Variants in RAB3GAP2 observed in about 807,000 individuals in gnomAD.
RAB3GAP2 encodes RAB3 GTPase activating non-catalytic protein subunit 2, also known as rab3 GTPase-activating protein non-catalytic subunit.
RAB3GAP2 carries 87 observed loss-of-function variants against 185.3 expected under a neutral mutation model. The observed-to-expected ratio is 0.47, with a 90% confidence interval of 0.39 to 0.56. The LOEUF (loss-of-function observed/expected upper bound fraction) is 0.56. Among genes scored for constraint, RAB3GAP2 ranks in the 20% least tolerant of loss-of-function variants. RAB3GAP2 has a pLI of 0.00. For synonymous variants in RAB3GAP2, 554 were observed against 576.1 expected, an observed-to-expected ratio of 0.96 and a Z score of 0.55; for missense variants, 1,492 against 1,638.2, an observed-to-expected ratio of 0.91 and a Z score of 1.54.
At position 220,191,136 on chromosome 1, in the gene RAB3GAP2, T is replaced by C. The variant is rs886046022; in HGVS notation, c.1419A>G (p.Gly473=). 1 of 1,613,960 alleles carries C rather than the reference T, an allele frequency of 6.2e-7. No individual in the cohort carries two copies. The highest frequency in any genetic ancestry group is 8.5e-7 in the Non-Finnish European group (1 of 1,179,968). Residue 473 remains glycine, a synonymous_variant, in exon 14 of 35, where the codon GGA becomes GGG. Coordinates refer to ENST00000358951, the MANE Select transcript of RAB3GAP2 (RefSeq NM_012414.4). ...QFLVIYAPRR[G]ILEVWSTQQG... ...GCTGTGTGCTCCACACTTCTAAAAT[T>C]CCCCTTCTTGGCGCATAGATCACAA... is the stretch of plus-strand genomic sequence containing the variant.
intron 1 of RAB3GAP2, chr1:220,254,091 A>T: frequency 6.2e-7 from 1 of 1,613,954 alleles, no homozygotes; most frequent in Non-Finnish European, 8.5e-7. Flanking sequence ...ACTGGGACTT[A>T]ATTACCAGGC....
intron 7 of RAB3GAP2, chr1:220,208,297 A>T (rs532215972): frequency 6.6e-6 from 1 of 152,320 alleles, no homozygotes; most frequent in East Asian, 1.9e-4. Flanking sequence ...ATCTTCTTTG[A>T]TTTCCAGCTG....
chr1:220,157,566 G>A (rs775760945), intron 30 of RAB3GAP2, 78 bp from the exon 31 acceptor site: 1 of 1,406,580 alleles, frequency 7.1e-7, no homozygotes, highest in Non-Finnish European at 1.0e-6. Context: ...GAGTTTATTA[G>A]CAGCAAAGTG....
chr1:220,242,059 T>C (rs1273103592), intron 1 of RAB3GAP2, among the ~76,000 whole-genome samples: 1 of 152,080 alleles, frequency 6.6e-6, no homozygotes, highest in Non-Finnish European at 1.5e-5. Context: ...CCCTGAGAAA[T>C]CTCCTTATAT....
intron 27 of RAB3GAP2, 53 bp downstream of exon 27, chr1:220,164,675 TAAATC>T (rs1469392235): frequency 6.4e-7 from 1 of 1,564,336 alleles, no homozygotes; most frequent in East Asian, 2.3e-5. Context: ...CACATCCTGT[TAAATC>T]AGGAAGCCTC....
Position 220,172,624 on chromosome 1 carries a change from A to C in RAB3GAP2, c.2416+13T>G, listed in dbSNP as rs771319271. ...ACGAAACTTTGTTGACGAGAGCAAC[A>C]AACTTTGTTTACCTTTCATCTTGCT... is the stretch of plus-strand genomic sequence containing the variant. On this transcript the variant is annotated intron_variant, in intron 22 of 34. Coordinates refer to ENST00000358951, the MANE Select transcript of RAB3GAP2 (RefSeq NM_012414.4). 5.1e-6 allele frequency: 8 copies of C among 1,573,742 alleles called. No homozygotes were observed. Among genetic ancestry groups the C allele is most frequent in the Non-Finnish European group, 7.0e-6 (8 of 1,143,098 alleles).
chr1:220,220,293 G>A (rs1302075895), intron 2 of RAB3GAP2: 1 of 152,290 alleles, frequency 6.6e-6, no homozygotes, highest in Non-Finnish European at 1.5e-5. Flanking sequence ...CCACTGTGAA[G>A]TGGGTGTTCA....
At position 220,150,929 on chromosome 1, in the gene RAB3GAP2, T is replaced by C. The variant is rs1157315958; in HGVS notation, c.*322A>G. ...GGAAATATAGAATCTTATAAGAACA[T>C]AATCTAAATTATAACCAATTTTAAA... On this transcript the variant is annotated 3_prime_UTR_variant, in exon 35 of 35. Transcript: ENST00000358951. 1 of 306,854 alleles carries C rather than the reference T, an allele frequency of 3.3e-6. No individual in the cohort carries two copies. Among genetic ancestry groups the C allele is most frequent in the Non-Finnish European group, 6.1e-6 (1 of 165,074 alleles). The allele number at this position is 306,854 out of a possible 1,614,324, so 19.0% of individuals were successfully genotyped here. A position where few individuals can be genotyped will look rare whatever the true frequency, so the allele number is the denominator to read the frequency against.
At chr1:220,254,359 C>T in intron 1 of RAB3GAP2, 1 of 1,613,460 alleles carries the variant, frequency 6.2e-7, no homozygotes, top group South Asian at 1.1e-5. Flanking sequence ...GCCACATCTC[C>T]TGAGATTATT....
chr1:220,205,754 C>T (rs1041749547), intron 8 of RAB3GAP2, among the ~76,000 whole-genome samples, 153 bp downstream of exon 8: 3 of 152,202 alleles, frequency 2.0e-5, no homozygotes, highest in Non-Finnish European at 4.4e-5. Flanking sequence ...ATCTACTCAA[C>T]ATGCTCCCCT....
intron 8 of RAB3GAP2, among the ~76,000 whole-genome samples, chr1:220,203,081 A>G (rs899476116): frequency 2.0e-5 from 3 of 152,254 alleles, no homozygotes; most frequent in Admixed American, 2.0e-4. Flanking sequence ...GAAAAACTAA[A>G]AACCTGATAT....
rs1658700569 is a variant in RAB3GAP2, at chr1:220,195,169, T to C, written c.1041-2A>G. On this transcript the variant is annotated splice_acceptor_variant, in intron 11 of 34. Coordinates refer to ENST00000358951, the MANE Select transcript of RAB3GAP2 (RefSeq NM_012414.4). LOFTEE classifies it high-confidence loss of function. ...TTACTTTTCCAACCAAGCCAACCAC[T>C]GAAAAGAAAGAAAACTTAGAATATA... 2 of 1,613,892 alleles carry C rather than the reference T, an allele frequency of 1.2e-6. No individual in the cohort carries two copies. The highest frequency in any genetic ancestry group is 1.7e-5 in the Admixed American group (1 of 60,004).
rs1558140767 is a variant in RAB3GAP2, at chr1:220,163,765, A to ATATATG, written c.3154+967_3154+968insCATATA. 9.7e-5 allele frequency among the ~76,000 whole-genome samples: 14 copies of ATATATG among 143,616 alleles called. No homozygotes were observed. In the East Asian group the frequency reaches 2.8e-3, roughly 28 times the overall value. The allele number at this position is 143,616 out of a possible 152,430, so 94.2% of individuals were successfully genotyped here. A position where few individuals can be genotyped will look rare whatever the true frequency, so the allele number is the denominator to read the frequency against. ...CATACATATATATATATATATATAT[A>ATATATG]TATATATAGGATGAAGGTAAGATCT... On this transcript the variant is annotated intron_variant, in intron 27 of 34. Coordinates refer to ENST00000358951, the MANE Select transcript of RAB3GAP2 (RefSeq NM_012414.4).
chr1:220,266,907 G>C (rs1179702681), intron 1 of RAB3GAP2: 2 of 1,589,658 alleles, frequency 1.3e-6, no homozygotes, highest in African/African-American at 2.7e-5. Context: ...TTCTTTTGTA[G>C]GTCTCTTGGT....
intron 4 of RAB3GAP2, among the ~76,000 whole-genome samples, chr1:220,212,339 T>A (rs999407192): frequency 6.6e-6 from 1 of 152,232 alleles, no homozygotes; most frequent in Non-Finnish European, 1.5e-5. Flanking sequence ...GAGATTCTTT[T>A]TGAATTCTTC....
intron 2 of RAB3GAP2, among the ~76,000 whole-genome samples, chr1:220,224,356 C>A (rs569423683): frequency 1.4e-4 from 22 of 152,096 alleles, no homozygotes; most frequent in Middle Eastern, 6.8e-3. Context: ...TGCAGCATTG[C>A]TCATTATAGG....
chr1:220,171,291 T>C (rs1220966096), intron 23 of RAB3GAP2, among the ~76,000 whole-genome samples, 171 bp from the exon 24 acceptor site: 1 of 151,786 alleles, frequency 6.6e-6, no homozygotes, highest in Non-Finnish European at 1.5e-5. Context: ...GGGTCAGGAG[T>C]AGATTGGAGA....
At chr1:220,205,649 G>A (rs1006676765) in intron 8 of RAB3GAP2, among the ~76,000 whole-genome samples, 37 of 152,156 alleles carry the variant, frequency 2.4e-4, no homozygotes, top group African/African-American at 8.2e-4. Flanking sequence ...TGCTGAATTC[G>A]TGAAGAAAGC....
intron 21 of RAB3GAP2, among the ~76,000 whole-genome samples, chr1:220,173,413 C>T (rs956871438): frequency 6.6e-6 from 1 of 152,100 alleles, no homozygotes; most frequent in Admixed American, 6.5e-5. Flanking sequence ...GTACTGGTAT[C>T]TCTGAAAGGC....
Sources: gnomAD v4.1 joint callset for allele counts (sites outside exome capture counted in the v4.1 genomes callset) on GRCh38, gnomAD v4.1.1 for gene constraint, MANE v1.5 for transcripts, NCBI Gene and HGNC (gene_info 2026-07-23, HGNC 2026-07-21) for gene names.